The following TSHR variants were observed in gnomAD, a reference collection of about 807,000 sequenced individuals.
TSHR encodes thyrotropin receptor.
Under a neutral mutation model 64.1 loss-of-function variants are expected in TSHR, and 51 were observed. The observed-to-expected ratio is 0.80, with a 90% CI of 0.64 to 1.01. TSHR has a LOEUF of 1.01. Ranked by LOEUF, TSHR falls within the 50% of genes least tolerant of loss-of-function variation. The pLI is 0.00. For missense variants in TSHR, 877 were observed against 942.8 expected (o/e 0.93, Z 0.91); for synonymous variants, 361 against 361.9 (o/e 1.00, Z 0.03).
In TSHR at chr14:81,113,417, T is replaced by C. The variant is rs574638074; in HGVS notation, c.692+4965T>C. Among the ~76,000 whole-genome samples, 5 of 152,268 alleles carry C rather than the reference T, an allele frequency of 3.3e-5. No individual in the cohort carries two copies. In the South Asian group the frequency reaches 1.0e-3, roughly 32 times the overall value. ...ATGCATGCAGGCAGGCAGTGATATA[T>C]GTGGGTTCAAAAGTCACAATAGGGG... On this transcript the variant is annotated intron_variant, in intron 8 of 9. Transcript: ENST00000298171.
chr14:81,030,117 G>T (rs1884275468), intron 1 of TSHR, among the ~76,000 whole-genome samples: 1 of 152,158 alleles, frequency 6.6e-6, no homozygotes, highest in East Asian at 1.9e-4. Context: ...GAAGAGAGTT[G>T]ATGGTGGCTG....
chr14:81,130,164 A>G (rs1891178102), intron 8 of TSHR, among the ~76,000 whole-genome samples: 1 of 152,214 alleles, frequency 6.6e-6, no homozygotes, highest in Non-Finnish European at 1.5e-5. Context: ...TTCTTAGAAA[A>G]TATTGAAATA....
intron 3 of TSHR, among the ~76,000 whole-genome samples, chr14:81,083,107 C>A (rs1189039228): frequency 6.6e-6 from 1 of 152,174 alleles, no homozygotes; most frequent in Non-Finnish European, 1.5e-5. Flanking sequence ...CGCCTGAGAA[C>A]TCCCTTCTCT....
At chr14:81,094,620 A>G (rs1478610884) in intron 6 of TSHR, among the ~76,000 whole-genome samples, 2 of 151,642 alleles carry the variant, frequency 1.3e-5, no homozygotes, top group Non-Finnish European at 2.9e-5. Flanking sequence ...TCAGTTTCCC[A>G]CAACTATATA....
At chr14:81,130,085 T>G (rs1891175631) in intron 8 of TSHR, among the ~76,000 whole-genome samples, 2 of 152,230 alleles carry the variant, frequency 1.3e-5, no homozygotes, top group African/African-American at 2.4e-5. Flanking sequence ...GGAAAACTGA[T>G]GATTGAATAT....
intron 1 of TSHR, among the ~76,000 whole-genome samples, chr14:81,016,163 T>G (rs555847348): frequency 1.3e-5 from 2 of 152,316 alleles, no homozygotes; most frequent in East Asian, 3.9e-4. Context: ...CTGAATCATA[T>G]GGTGGCTCTA....
rs76259558 is a variant in TSHR, at chr14:81,120,293, A to G, written c.692+11841A>G. ...ACAGAGCTTCCCATAGGCCTCCCTTACAAACAAGAACAGACATCCAAGAAC... is the reference window on the plus strand; with the variant it reads ...ACAGAGCTTCCCATAGGCCTCCCTTGCAAACAAGAACAGACATCCAAGAAC... On this transcript the variant is annotated intron_variant, in intron 8 of 9. Coordinates refer to ENST00000298171, the MANE Select transcript of TSHR (RefSeq NM_000369.5). Among the ~76,000 whole-genome samples, 26 of 152,274 alleles carry G rather than the reference A, an allele frequency of 1.7e-4. 2 individuals carry two copies. In the East Asian group the frequency reaches 5.0e-3, roughly 29 times the overall value.
rs745827542 is a variant in TSHR, at chr14:81,143,542, A to G, written c.1484A>G (p.Asn495Ser). 17 of 1,613,290 alleles carry G rather than the reference A, an allele frequency of 1.1e-5. No homozygotes were observed. Among genetic ancestry groups the G allele is most frequent in the Non-Finnish European group, 1.1e-5 (13 of 1,180,048 alleles). Residue 495 changes from asparagine to serine, a missense_variant, in exon 10 of 10, where the codon AAC (asparagine) becomes AGC (serine). By Grantham distance (46) the Asn-to-Ser change is conservative. Coordinates refer to ENST00000298171, the MANE Select transcript of TSHR (RefSeq NM_000369.5). ...GACTGGCAGACAGGCCCTGGGTGCA[A>G]CACGGCTGGTTTCTTCACTGTCTTT... ...AIDWQTGPGC[N>S]TAGFFTVFAS...
At chr14:81,005,435 T>C (rs905392086) in intron 1 of TSHR, among the ~76,000 whole-genome samples, 2 of 138,284 alleles carry the variant, frequency 1.4e-5, no homozygotes, top group Non-Finnish European at 3.1e-5. Flanking sequence ...TAAGAGAAAG[T>C]TCTAATATTT....
chr14:81,082,508 T>C (rs771430627), intron 3 of TSHR, among the ~76,000 whole-genome samples: 8 of 152,196 alleles, frequency 5.3e-5, no homozygotes, highest in Non-Finnish European at 1.2e-4. Context: ...CTTTGGACAT[T>C]GAGTCTGCTA....
intron 5 of TSHR, among the ~76,000 whole-genome samples, 197 bp downstream of exon 5, chr14:81,091,340 G>T (rs940477868): frequency 3.3e-5 from 5 of 152,238 alleles, no homozygotes; most frequent in African/African-American, 1.2e-4. Flanking sequence ...TGGTTTGTTG[G>T]TGACTCTGCC....
At chr14:81,123,091 T>C (rs1417214412) in intron 8 of TSHR, among the ~76,000 whole-genome samples, 1 of 151,720 alleles carries the variant, frequency 6.6e-6, no homozygotes, top group Non-Finnish European at 1.5e-5. Flanking sequence ...TGCACCATTG[T>C]ACTGTAGCCT....
intron 7 of TSHR, among the ~76,000 whole-genome samples, chr14:81,099,740 A>G (rs1409384961): frequency 6.6e-6 from 1 of 152,216 alleles, no homozygotes; most frequent in Non-Finnish European, 1.5e-5. Context: ...ACGTTATTCA[A>G]GTCAAAGAAT....
chr14:81,010,664 A>G (rs971826199), intron 1 of TSHR, among the ~76,000 whole-genome samples: 8 of 152,102 alleles, frequency 5.3e-5, no homozygotes, highest in Non-Finnish European at 1.0e-4. Context: ...TTCAAAATTA[A>G]TTCCTATTTT....
chr14:80,972,198 A>T (rs1887619856), intron 1 of TSHR, among the ~76,000 whole-genome samples: 1 of 152,168 alleles, frequency 6.6e-6, no homozygotes, highest in South Asian at 2.1e-4. Context: ...AGTTACTTTT[A>T]TTACATTTTA....
intron 8 of TSHR, among the ~76,000 whole-genome samples, chr14:81,135,418 T>C (rs186262479): frequency 1.8e-4 from 28 of 152,348 alleles, no homozygotes; most frequent in Non-Finnish European, 7.3e-5. Flanking sequence ...AAAAACATTC[T>C]TTCCTAAGTT....
intron 8 of TSHR, among the ~76,000 whole-genome samples, chr14:81,110,600 A>G (rs895339066): frequency 3.3e-5 from 5 of 152,248 alleles, no homozygotes; most frequent in African/African-American, 9.6e-5. Flanking sequence ...ACAGAGTTGT[A>G]GCAGGTTTAA....
intron 1 of TSHR, among the ~76,000 whole-genome samples, chr14:81,060,016 G>A (rs1886118328): frequency 1.3e-5 from 2 of 152,050 alleles, no homozygotes; most frequent in South Asian, 2.1e-4. Flanking sequence ...GCACTTAGAT[G>A]CTATTTCTGT....
chr14:80,978,363 A>C (rs1336489870), intron 1 of TSHR, among the ~76,000 whole-genome samples: 1 of 152,186 alleles, frequency 6.6e-6, no homozygotes, highest in African/African-American at 2.4e-5. Context: ...GACCAATTCC[A>C]GTACCAACTG....
Sources: gnomAD v4.1 joint callset for allele counts (sites outside exome capture counted in the v4.1 genomes callset) on GRCh38, gnomAD v4.1.1 for gene constraint, MANE v1.5 for transcripts, NCBI Gene and HGNC (gene_info 2026-07-23, HGNC 2026-07-21) for gene names.